PIEZO2: variants seen among roughly 807,000 people sequenced by gnomAD.
PIEZO2 encodes piezo type mechanosensitive ion channel component 2.
In PIEZO2, 172 loss-of-function variants were observed where a neutral mutation model predicts 337.3. The observed-to-expected ratio is 0.51, with a 90% confidence interval of 0.45 to 0.58. PIEZO2 has a LOEUF of 0.58. Among genes scored for constraint, PIEZO2 ranks in the 20% least tolerant of loss-of-function variants. PIEZO2 has a pLI of 0.00. For missense variants in PIEZO2, 3,028 were observed against 3,391.3 expected (o/e 0.89, Z 2.66); for synonymous variants, 1,251 against 1,228.5 (o/e 1.02, Z -0.38).
intron 4 of PIEZO2, among the ~76,000 whole-genome samples, chr18:10,891,780 G>A (rs79710340): frequency 2.0e-5 from 3 of 152,112 alleles, no homozygotes; most frequent in Non-Finnish European, 4.4e-5. Flanking sequence ...AAATAAAATA[G>A]TAATCAAATG....
Position 11,148,482 on chromosome 18 carries a change from C to G in PIEZO2, c.64+43G>C, listed in dbSNP as rs113190739. 36 of 1,533,298 alleles carry G rather than the reference C, an allele frequency of 2.3e-5. No homozygotes were observed. In the African/African-American group the frequency reaches 2.7e-4, roughly 12 times the overall value. The allele number at this position is 1,533,298 out of a possible 1,614,324, so 95.0% of individuals were successfully genotyped here. A position where few individuals can be genotyped will look rare whatever the true frequency, so the allele number is the denominator to read the frequency against. On this transcript the variant is annotated intron_variant, in intron 1 of 55. Transcript: ENST00000674853. The surrounding 1 kb of genome is among the most constrained non-coding windows in gnomAD (Gnocchi z 5.2). ...AAGAAGTCCCCCACCCAGGCGCCCC[C>G]CTCGTCCTCCTCAAGTGCCCTCGGA...
chr18:11,031,319 C>T lies in PIEZO2; in HGVS notation c.160+34808G>A. Among the ~76,000 whole-genome samples the T allele has an allele frequency of 6.6e-6, 1 of 151,708 alleles. No individual in the cohort carries two copies. ...TGGCCTGGAATTTTTTTTTAATAAG[C>T]CCATCAGGACCTTTCATAACCTTAC... is the stretch of plus-strand genomic sequence containing the variant. On this transcript the variant is annotated intron_variant, in intron 2 of 55. Coordinates refer to ENST00000674853, the MANE Select transcript of PIEZO2 (RefSeq NM_001378183.1). The surrounding 1 kb of genome is among the most constrained non-coding windows in gnomAD (Gnocchi z 4.7).
At chr18:10,958,641 C>A (rs952932197) in intron 3 of PIEZO2, among the ~76,000 whole-genome samples, 5 of 152,100 alleles carry the variant, frequency 3.3e-5, no homozygotes, top group African/African-American at 1.2e-4. Context: ...TCGCCTCATA[C>A]CCCATAAATA....
intron 24 of PIEZO2, 133 bp from the exon 25 acceptor site, chr18:10,760,042 A>T (rs972153294): frequency 1.3e-6 from 1 of 763,910 alleles, no homozygotes; most frequent in Non-Finnish European, 2.1e-6. Context: ...CAGATTCACA[A>T]ATGCTTGCTC....
At chr18:10,714,543 T>C (rs1270221365) in intron 39 of PIEZO2, among the ~76,000 whole-genome samples, 2 of 152,168 alleles carry the variant, frequency 1.3e-5, no homozygotes, top group African/African-American at 4.8e-5. Context: ...CACACAGGTA[T>C]AGCTAATAGT....
Position 11,069,401 on chromosome 18 carries a change from C to A in PIEZO2, c.65-3179G>T, listed in dbSNP as rs12454476. Among the ~76,000 whole-genome samples the A allele has an allele frequency of 0.014, 2,115 of 152,202 alleles. 35 individuals carry two copies. The highest frequency in any genetic ancestry group is 0.04 in the African/African-American group (1,643 of 41,518). On this transcript the variant is annotated intron_variant, in intron 1 of 55. Transcript: ENST00000674853. This position sits in a 1 kb window ranked among gnomAD's most constrained non-coding sequence, Gnocchi z 4.9. ...ACCTATAGCTGTCAATGTGATACAC[C>A]ACATTAACAGAATGAAGAACAAAAG...
intron 2 of PIEZO2, among the ~76,000 whole-genome samples, chr18:11,049,341 T>C (rs980062569): frequency 6.6e-5 from 10 of 152,310 alleles, no homozygotes; most frequent in African/African-American, 2.4e-4. Flanking sequence ...GCCAGATTAA[T>C]ATTCTGGTGA....
At chr18:10,757,111 T>G in intron 27 of PIEZO2, among the ~76,000 whole-genome samples, 1 of 132,664 alleles carries the variant, frequency 7.5e-6, no homozygotes, top group African/African-American at 3.0e-5. Context: ...GGAGGAGAAA[T>G]GGGGATAAGG....
chr18:11,050,250 T>G (rs537328982), intron 2 of PIEZO2, among the ~76,000 whole-genome samples: 1 of 152,218 alleles, frequency 6.6e-6, no homozygotes, highest in African/African-American at 2.4e-5. Flanking sequence ...CAATTAAATA[T>G]TTTCCTGTGT....
At chr18:10,961,275 G>T (rs146998338) in intron 3 of PIEZO2, among the ~76,000 whole-genome samples, 8 of 117,764 alleles carry the variant, frequency 6.8e-5, no homozygotes, top group Admixed American at 5.8e-4. Flanking sequence ...TGACCTGCAT[G>T]AATGAGATTG....
rs957042061 is a variant in PIEZO2, at chr18:11,092,970, C to G, written c.65-26748G>C. ...CAAACCATTCTCACTTACCCCAAAG[C>G]CTAACGAGCCCAAGAGCTTATAATA... On this transcript the variant is annotated intron_variant, in intron 1 of 55. Coordinates refer to ENST00000674853, the MANE Select transcript of PIEZO2 (RefSeq NM_001378183.1). This position sits in a 1 kb window ranked among gnomAD's most constrained non-coding sequence, Gnocchi z 4.5. Among the ~76,000 whole-genome samples the G allele has an allele frequency of 6.6e-6, 1 of 152,164 alleles. No homozygotes were observed. The highest frequency in any genetic ancestry group is 2.4e-5 in the African/African-American group (1 of 41,440).
At chr18:10,871,486 G>A in intron 4 of PIEZO2, 71 bp from the exon 5 acceptor site, 1 of 1,362,294 alleles carries the variant, frequency 7.3e-7, no homozygotes, top group African/African-American at 1.5e-5. Context: ...CTGCCTTATA[G>A]GATGTTTTGG....
chr18:10,689,024 T>C (rs1236220630), intron 49 of PIEZO2, among the ~76,000 whole-genome samples: 1 of 152,148 alleles, frequency 6.6e-6, no homozygotes. Context: ...CCAGGAATCA[T>C]ACAGAGGAGC....
At chr18:10,924,829 G>C (rs1598697855) in intron 3 of PIEZO2, among the ~76,000 whole-genome samples, 1 of 152,228 alleles carries the variant, frequency 6.6e-6, no homozygotes, top group Middle Eastern at 3.4e-3. Context: ...ACAGCTTGTG[G>C]CTTTCTTTAC....
chr18:11,026,322 G>A (rs1440491482), intron 2 of PIEZO2, among the ~76,000 whole-genome samples: 1 of 152,092 alleles, frequency 6.6e-6, no homozygotes, highest in African/African-American at 2.4e-5. Context: ...AGTGAGCCAG[G>A]GTAGAAACTC....
At chr18:10,896,417 C>T (rs1330696498) in intron 4 of PIEZO2, among the ~76,000 whole-genome samples, 1 of 152,176 alleles carries the variant, frequency 6.6e-6, no homozygotes, top group African/African-American at 2.4e-5. Context: ...AAAACACCAG[C>T]AAATCCACTG....
At chr18:10,811,959 G>A (rs867284905) in intron 7 of PIEZO2, among the ~76,000 whole-genome samples, 12 of 152,250 alleles carry the variant, frequency 7.9e-5, no homozygotes, top group Middle Eastern at 6.8e-3. Context: ...TCAGCCTCCC[G>A]AGTAGCTGAG....
At chr18:10,951,760 T>C (rs1464073950) in intron 3 of PIEZO2, among the ~76,000 whole-genome samples, 2 of 152,206 alleles carry the variant, frequency 1.3e-5, no homozygotes, top group Non-Finnish European at 2.9e-5. Flanking sequence ...TGTTGATAAG[T>C]CTACCTGTCA....
intron 9 of PIEZO2, among the ~76,000 whole-genome samples, chr18:10,801,952 G>A (rs1021613361): frequency 6.6e-5 from 10 of 151,898 alleles, no homozygotes; most frequent in Non-Finnish European, 8.8e-5. Context: ...CGGGCGTCGT[G>A]GTGGGTGCTT....
Sources: allele counts gnomAD v4.1 joint callset (sites outside exome capture counted in the v4.1 genomes callset), GRCh38; gene constraint gnomAD v4.1.1; non-coding constraint Gnocchi (gnomAD v3.1); transcripts MANE v1.5; gene names NCBI Gene and HGNC (gene_info 2026-07-23, HGNC 2026-07-21).